Variants in KLRG1 observed in about 807,000 individuals in gnomAD.
KLRG1 encodes the protein killer cell lectin-like receptor subfamily G member 1.
In KLRG1, 16 loss-of-function variants were observed where a neutral mutation model predicts 21.8. The ratio of observed to expected loss-of-function variants is 0.73; its 90% CI spans 0.50 to 1.11. The LOEUF is 1.11. KLRG1 is among the 50% of genes most tolerant of loss of function. The probability of loss-of-function intolerance (pLI) is 0.00; values close to 1 mark genes in which losing one functional copy is unlikely to be tolerated. For synonymous variants in KLRG1, 69 were observed against 75.9 expected, an observed-to-expected ratio of 0.91 and a Z score of 0.47; for missense variants, 173 against 218.3, an observed-to-expected ratio of 0.79 and a Z score of 1.31.
At chr12:9,067,105 C>G in the KLRG1 span, 1 of 152,448 alleles carries the variant, frequency 6.6e-6, no homozygotes, top group Non-Finnish European at 1.5e-5. Context: ...TTACAGCTAT[C>G]CTTTAATCCT....
chr12:9,169,629 T>C, the KLRG1 span: 1 of 1,518,230 alleles, frequency 6.6e-7, no homozygotes, highest in Non-Finnish European at 8.8e-7. Context: ...AACTGTTACT[T>C]ACTTTTCTTT....
chr12:9,087,694 A>T, the KLRG1 span, among the ~76,000 whole-genome samples: 1 of 152,150 alleles, frequency 6.6e-6, no homozygotes, highest in Non-Finnish European at 1.5e-5. Flanking sequence ...GGTTAGCTTG[A>T]TTTAATTATT....
chr12:8,950,626 G>A (rs1319831126), intron 1 of KLRG1, among the ~76,000 whole-genome samples: 2 of 151,746 alleles, frequency 1.3e-5, no homozygotes, highest in East Asian at 3.9e-4. Context: ...GTGCCTCTCT[G>A]GCTCTATGCA....
At chr12:9,110,505 A>G in the KLRG1 span, among the ~76,000 whole-genome samples, 2 of 152,050 alleles carry the variant, frequency 1.3e-5, no homozygotes, top group South Asian at 4.1e-4. Context: ...TTCGTAACAC[A>G]AAGAATAAAT....
chr12:9,112,637 A>AAC, the KLRG1 span: 4 of 1,302,206 alleles, frequency 3.1e-6, no homozygotes, highest in Non-Finnish European at 3.2e-6. Flanking sequence ...CTTCTTACTT[A>AAC]ACTTCACTCC....
chr12:9,077,981 T>C, the KLRG1 span: 36 of 1,066,528 alleles, frequency 3.4e-5, no homozygotes, highest in Non-Finnish European at 4.8e-5. Flanking sequence ...AGAGAGCTTA[T>C]CTCCTTGATT....
At chr12:9,182,396 T>C in the KLRG1 span, among the ~76,000 whole-genome samples, 12 of 143,594 alleles carry the variant, frequency 8.4e-5, no homozygotes, top group African/African-American at 3.1e-4. Context: ...ATCAATTAAA[T>C]ATCAGTAGCT....
chr12:9,065,700 T>C, the KLRG1 span: 23,625 of 152,326 alleles, frequency 0.16, 1,970 homozygotes, highest in African/African-American at 0.2. Context: ...ACCCTCAAGC[T>C]GGTGAGGGCT....
chr12:9,039,353 C>G, the KLRG1 span, among the ~76,000 whole-genome samples: 1 of 152,168 alleles, frequency 6.6e-6, no homozygotes, highest in Non-Finnish European at 1.5e-5. Context: ...GATGACTTTA[C>G]AAATAGAATG....
intron 1 of KLRG1, among the ~76,000 whole-genome samples, chr12:8,957,701 G>C (rs778583957): frequency 6.6e-6 from 1 of 152,070 alleles, no homozygotes; most frequent in South Asian, 2.1e-4. Context: ...CAGTACTGTG[G>C]CAGTCAATCT....
At chr12:9,047,384 T>G in the KLRG1 span, among the ~76,000 whole-genome samples, 2 of 152,292 alleles carry the variant, frequency 1.3e-5, no homozygotes, top group South Asian at 2.1e-4. Flanking sequence ...AAATGTATAT[T>G]GCAAACTCTA....
the KLRG1 span, among the ~76,000 whole-genome samples, chr12:9,131,326 T>A: frequency 2.0e-5 from 3 of 152,236 alleles, no homozygotes; most frequent in Admixed American, 1.3e-4. Flanking sequence ...GAGTTTACTA[T>A]ACATTTTGGT....
At chr12:9,162,412 A>G in the KLRG1 span, 2 of 577,912 alleles carry the variant, frequency 3.5e-6, no homozygotes, top group Non-Finnish European at 6.1e-6. Flanking sequence ...CCTGAGTCAC[A>G]TTAACTTGCT....
intron 1 of KLRG1, among the ~76,000 whole-genome samples, chr12:8,961,670 C>T (rs1027416760): frequency 1.3e-5 from 2 of 151,970 alleles, no homozygotes; most frequent in African/African-American, 2.4e-5. Flanking sequence ...ATCTGTCTGC[C>T]TCGGCCTCCC....
At chr12:8,996,691 T>C (rs1254078873) in intron 3 of KLRG1, 3 of 152,220 alleles carry the variant, frequency 2.0e-5, no homozygotes, top group Non-Finnish European at 4.4e-5. Context: ...ACTTTTTTTT[T>C]TAAAGCCTTC....
At chr12:9,113,277 C>A in the KLRG1 span, 2 of 1,477,756 alleles carry the variant, frequency 1.4e-6, no homozygotes, top group South Asian at 1.3e-5. Context: ...ACCAACCTCC[C>A]AAAGCCTCAT....
chr12:9,166,087 A>G, the KLRG1 span: 1 of 1,611,148 alleles, frequency 6.2e-7, no homozygotes. Context: ...AAGTCTCAGG[A>G]AAATAGCTTC....
chr12:9,092,297 T>C, the KLRG1 span, among the ~76,000 whole-genome samples: 4 of 152,172 alleles, frequency 2.6e-5, no homozygotes, highest in Non-Finnish European at 5.9e-5. Flanking sequence ...GTCTGGCTCC[T>C]AAATCACCTA....
upstream of KLRG1, among the ~76,000 whole-genome samples, chr12:8,986,563 G>C (rs1444593094): frequency 1.3e-5 from 2 of 151,620 alleles, no homozygotes; most frequent in East Asian, 3.9e-4. Context: ...TCTGTGTCCT[G>C]ATATGCTCCC....
Sources: gnomAD v4.1 joint callset for allele counts (sites outside exome capture counted in the v4.1 genomes callset) on GRCh38, gnomAD v4.1.1 for gene constraint, MANE v1.5 for transcripts, NCBI Gene and HGNC (gene_info 2026-07-23, HGNC 2026-07-21) for gene names.